Variants in SYNPO2 observed in about 807,000 individuals in gnomAD.
The protein encoded by SYNPO2 is synaptopodin-2.
Under a neutral mutation model 85.0 loss-of-function variants are expected in SYNPO2, and 56 were observed. The ratio of observed to expected loss-of-function variants is 0.66; its 90% CI spans 0.53 to 0.82. SYNPO2 has a LOEUF of 0.82. Among genes scored for constraint, SYNPO2 ranks in the 40% least tolerant of loss-of-function variants. The pLI, the probability that SYNPO2 is intolerant of heterozygous loss-of-function variation, is 0.00. For synonymous variants in SYNPO2, 602 were observed against 591.1 expected, an observed-to-expected ratio of 1.02 and a Z score of -0.27; for missense variants, 1,575 against 1,534.2, an observed-to-expected ratio of 1.03 and a Z score of -0.44.
At chr4:118,953,327 C>G (rs901905111) in intron 1 of SYNPO2, among the ~76,000 whole-genome samples, 17 of 152,214 alleles carry the variant, frequency 1.1e-4, no homozygotes, top group African/African-American at 4.1e-4. Flanking sequence ...TGAACGTCTC[C>G]CTTCGTAGGA....
chr4:118,858,242 TC>T (rs138868488), intron 1 of SYNPO2, among the ~76,000 whole-genome samples: 6,271 of 152,256 alleles, frequency 0.041, 200 homozygotes, highest in Non-Finnish European at 0.064. Context: ...CCTCCCCACT[TC>T]CTTGCTGCCC....
intron 1 of SYNPO2, among the ~76,000 whole-genome samples, chr4:118,902,848 T>G (rs1442074538): frequency 6.6e-6 from 1 of 152,182 alleles, no homozygotes; most frequent in African/African-American, 2.4e-5. Flanking sequence ...TTAAAAATTA[T>G]TATTACCATG....
intron 1 of SYNPO2, among the ~76,000 whole-genome samples, chr4:119,000,350 C>T (rs1736778841): frequency 6.6e-6 from 1 of 152,190 alleles, no homozygotes; most frequent in African/African-American, 2.4e-5. Flanking sequence ...ATTCTCCTTT[C>T]ACTCTTTCTT....
At chr4:119,036,016 C>T (rs994512466) in intron 4 of SYNPO2, 16 of 985,158 alleles carry the variant, frequency 1.6e-5, no homozygotes, top group African/African-American at 1.7e-5. Flanking sequence ...TTAGTGTCTG[C>T]GTTTAGATTT....
In SYNPO2 at chr4:118,997,805, C is replaced by T. The variant is rs190352580; in HGVS notation, c.106-25625C>T. Reference sequence around the variant, plus strand: ...GACAACCCATTCAGAAAGACACATTCTTTCCTTAGACATGTTAATACCTCC... The same window carrying T: ...GACAACCCATTCAGAAAGACACATTTTTTCCTTAGACATGTTAATACCTCC... On this transcript the variant is annotated intron_variant, in intron 1 of 4. Coordinates refer to ENST00000307142, the MANE Select transcript of SYNPO2 (RefSeq NM_133477.3). Among the ~76,000 whole-genome samples, 1,302 of 152,324 alleles carry T rather than the reference C, an allele frequency of 8.5e-3. 15 individuals are homozygous for T. Among genetic ancestry groups the T allele is most frequent in the South Asian group, 0.022 (105 of 4,822 alleles).
At chr4:118,937,515 C>A (rs1734149597) in intron 1 of SYNPO2, among the ~76,000 whole-genome samples, 1 of 152,094 alleles carries the variant, frequency 6.6e-6, no homozygotes, top group African/African-American at 2.4e-5. Context: ...GCTTATGTGT[C>A]TAAAGTCTGC....
intron 1 of SYNPO2, among the ~76,000 whole-genome samples, chr4:118,908,705 G>A (rs79905706): frequency 0.016 from 2,359 of 152,182 alleles, 30 homozygotes; most frequent in Non-Finnish European, 0.021. Context: ...AATAGGTTGT[G>A]CACATGATAA....
chr4:119,004,259 G>C (rs1736930816), intron 1 of SYNPO2, among the ~76,000 whole-genome samples: 1 of 151,940 alleles, frequency 6.6e-6, no homozygotes, highest in Non-Finnish European at 1.5e-5. Flanking sequence ...AAGTTTTAGG[G>C]TACATGTGCA....
chr4:118,935,889 A>G (rs958311543), intron 1 of SYNPO2, among the ~76,000 whole-genome samples: 1 of 152,210 alleles, frequency 6.6e-6, no homozygotes, highest in African/African-American at 2.4e-5. Context: ...CACCCTTGTC[A>G]TCTTCATGTT....
chr4:118,885,128 C>T (rs1375175042), upstream of SYNPO2, among the ~76,000 whole-genome samples: 1 of 152,194 alleles, frequency 6.6e-6, no homozygotes, highest in African/African-American at 2.4e-5. Flanking sequence ...AAGAACAGTA[C>T]TTCTGTGTGT....
intron 1 of SYNPO2, among the ~76,000 whole-genome samples, chr4:118,916,155 T>G (rs1223935246): frequency 6.6e-6 from 1 of 151,640 alleles, no homozygotes; most frequent in Non-Finnish European, 1.5e-5. Context: ...TTTTAATATG[T>G]CAAACTTAGG....
intron 1 of SYNPO2, among the ~76,000 whole-genome samples, chr4:118,996,856 CAA>C (rs34947994): frequency 4.3e-4 from 31 of 71,840 alleles, no homozygotes; most frequent in African/African-American, 6.0e-4. Context: ...GACTCTGTCT[CAA>C]AAAAAAAAAA....
At position 118,929,648 on chromosome 4, in the gene SYNPO2, G is replaced by A. The variant is rs145725385; in HGVS notation, c.105+40507G>A. Among the ~76,000 whole-genome samples the A allele has an allele frequency of 3.0e-3, 451 of 151,778 alleles. 2 individuals carry two copies. The highest frequency in any genetic ancestry group is 1.4e-3 in the East Asian group (7 of 5,156). On this transcript the variant is annotated intron_variant, in intron 1 of 4. Transcript: ENST00000307142. ...TTTTTTTTGTTGTACAAATAGAGTC[G>A]CTCAATTATCTCCCAAGGCTCTACA...
chr4:118,994,745 T>G (rs537215331), intron 1 of SYNPO2, among the ~76,000 whole-genome samples: 2 of 152,204 alleles, frequency 1.3e-5, no homozygotes, highest in Non-Finnish European at 2.9e-5. Context: ...CATAAACATC[T>G]TGGACATCTA....
At chr4:118,928,467 TG>T (rs2149131887) in intron 1 of SYNPO2, among the ~76,000 whole-genome samples, 1 of 151,418 alleles carries the variant, frequency 6.6e-6, no homozygotes. Flanking sequence ...AACTTCTCCA[TG>T]CAAGGAAAAA....
intron 4 of SYNPO2, among the ~76,000 whole-genome samples, chr4:119,054,338 C>T (rs1047950690): frequency 6.6e-6 from 1 of 152,086 alleles, no homozygotes; most frequent in Non-Finnish European, 1.5e-5. Flanking sequence ...GCCCTTCATC[C>T]GTGAGGGCAA....
At chr4:118,855,420 GAT>G (rs1441656972) in intron 1 of SYNPO2, among the ~76,000 whole-genome samples, 1 of 151,994 alleles carries the variant, frequency 6.6e-6, no homozygotes, top group Non-Finnish European at 1.5e-5. Flanking sequence ...TTTTAACTGA[GAT>G]ATTAGTATTT....
intron 1 of SYNPO2, among the ~76,000 whole-genome samples, chr4:118,966,453 C>G (rs566539270): frequency 2.6e-5 from 4 of 152,094 alleles, no homozygotes; most frequent in Admixed American, 6.6e-5. Flanking sequence ...ACAGCTCCCC[C>G]ACTTACCCTT....
chr4:118,891,297 A>T (rs1016913006), intron 1 of SYNPO2, among the ~76,000 whole-genome samples: 1 of 152,208 alleles, frequency 6.6e-6, no homozygotes, highest in Non-Finnish European at 1.5e-5. Context: ...AAATATCATT[A>T]TAAAAGTATC....
Sources: gnomAD v4.1 joint callset for allele counts (sites outside exome capture counted in the v4.1 genomes callset) on GRCh38, gnomAD v4.1.1 for gene constraint, MANE v1.5 for transcripts, NCBI Gene and HGNC (gene_info 2026-07-23, HGNC 2026-07-21) for gene names.